RBFOX3: variants seen among roughly 807,000 people sequenced by gnomAD.
The protein encoded by RBFOX3 is RNA binding fox-1 homolog 3.
In RBFOX3, 17 loss-of-function variants were observed where a neutral mutation model predicts 48.7. The ratio of observed to expected loss-of-function variants is 0.35; its 90% CI spans 0.24 to 0.52. RBFOX3 has a LOEUF of 0.52. Ranked by LOEUF, RBFOX3 falls within the 20% of genes least tolerant of loss-of-function variation. The pLI, the probability that RBFOX3 is intolerant of heterozygous loss-of-function variation, is 0.94. For missense variants in RBFOX3, 382 were observed against 497.5 expected (o/e 0.77, Z 2.21); for synonymous variants, 212 against 209.5 (o/e 1.01, Z -0.10).
intron 3 of RBFOX3, among the ~76,000 whole-genome samples, chr17:79,303,355 G>A (rs1039670702): frequency 2.6e-5 from 4 of 152,168 alleles, no homozygotes; most frequent in African/African-American, 9.7e-5. Flanking sequence ...CTTCGCCTGT[G>A]GACAGCATCG....
chr17:79,143,810 T>C (rs1389841763), intron 4 of RBFOX3, among the ~76,000 whole-genome samples: 1 of 152,156 alleles, frequency 6.6e-6, no homozygotes, highest in East Asian at 1.9e-4. Flanking sequence ...CACTGACTCA[T>C]GAAGACCCCC....
intron 1 of RBFOX3, among the ~76,000 whole-genome samples, chr17:79,553,040 T>C (rs1315428763): frequency 6.6e-6 from 1 of 152,238 alleles, no homozygotes; most frequent in Non-Finnish European, 1.5e-5. Context: ...TCTGCTACAA[T>C]ATGAAATAGT....
At chr17:79,327,137 CCA>C (rs907333138) in intron 2 of RBFOX3, among the ~76,000 whole-genome samples, 4 of 152,220 alleles carry the variant, frequency 2.6e-5, no homozygotes, top group African/African-American at 9.6e-5. Flanking sequence ...TGGGTACCCC[CCA>C]CACCTTCCCC....
At chr17:79,429,404 G>A (rs2068008655) in intron 2 of RBFOX3, among the ~76,000 whole-genome samples, 1 of 152,240 alleles carries the variant, frequency 6.6e-6, no homozygotes, top group Admixed American at 6.5e-5. Flanking sequence ...GACTGGCAAT[G>A]TGGGGTGGCA....
intron 2 of RBFOX3, among the ~76,000 whole-genome samples, chr17:79,416,019 G>A (rs1181939505): frequency 6.6e-6 from 1 of 152,186 alleles, no homozygotes; most frequent in African/African-American, 2.4e-5. Context: ...AAAAGGCCAT[G>A]CCTGCGCTGC....
At chr17:79,419,007 G>C (rs1339392597) in intron 2 of RBFOX3, among the ~76,000 whole-genome samples, 1 of 152,132 alleles carries the variant, frequency 6.6e-6, no homozygotes, top group Non-Finnish European at 1.5e-5. Context: ...TGGTGTCAAG[G>C]GACCGTATCG....
chr17:79,521,804 C>CT (rs2086149667), intron 1 of RBFOX3, among the ~76,000 whole-genome samples: 1 of 152,212 alleles, frequency 6.6e-6, no homozygotes, highest in African/African-American at 2.4e-5. Flanking sequence ...AACACACAGT[C>CT]ACACATGCAC....
intron 3 of RBFOX3, among the ~76,000 whole-genome samples, chr17:79,283,885 T>G (rs140510950): frequency 5.6e-4 from 86 of 152,236 alleles, no homozygotes; most frequent in African/African-American, 2.0e-3. Context: ...GTTTCAGTAC[T>G]TATAAATGGA....
At chr17:79,410,446 G>T (rs1250052718) in intron 2 of RBFOX3, among the ~76,000 whole-genome samples, 1 of 152,166 alleles carries the variant, frequency 6.6e-6, no homozygotes, top group Admixed American at 6.6e-5. Flanking sequence ...TTGCGGCAGG[G>T]GGGCGGTCAT....
intron 1 of RBFOX3, among the ~76,000 whole-genome samples, chr17:79,523,784 C>T (rs1002206204): frequency 4.6e-5 from 7 of 152,172 alleles, no homozygotes; most frequent in African/African-American, 7.2e-5. Flanking sequence ...AAACGCAAAA[C>T]GAATAAAAGG....
intron 2 of RBFOX3, among the ~76,000 whole-genome samples, chr17:79,429,158 C>T (rs1012045571): frequency 8.5e-5 from 13 of 152,264 alleles, no homozygotes; most frequent in East Asian, 1.9e-4. Context: ...CGCTCACACA[C>T]GGCCGTGGAG....
intron 2 of RBFOX3, among the ~76,000 whole-genome samples, chr17:79,393,786 G>A (rs1366113375): frequency 6.6e-6 from 1 of 151,044 alleles, no homozygotes; most frequent in South Asian, 2.1e-4. Context: ...ATCAGAGCTG[G>A]TCATCATCAT....
chr17:79,549,383 T>G (rs782508075), intron 1 of RBFOX3, among the ~76,000 whole-genome samples: 17 of 152,218 alleles, frequency 1.1e-4, no homozygotes, highest in Non-Finnish European at 2.5e-4. Context: ...TGGCCTCCCT[T>G]TTTCCACTAG....
intron 4 of RBFOX3, among the ~76,000 whole-genome samples, chr17:79,168,231 G>A (rs935557302): frequency 6.6e-6 from 1 of 152,170 alleles, no homozygotes; most frequent in African/African-American, 2.4e-5. Context: ...GGCTTGCCAT[G>A]GGTGGGTCCC....
At chr17:79,227,611 G>T (rs1238213758) in intron 4 of RBFOX3, among the ~76,000 whole-genome samples, 2 of 152,230 alleles carry the variant, frequency 1.3e-5, no homozygotes, top group African/African-American at 4.8e-5. Context: ...GGCGTGGGGA[G>T]GCTGACTGGC....
chr17:79,466,972 AT>A (rs2149335456), intron 2 of RBFOX3, among the ~76,000 whole-genome samples: 1 of 152,348 alleles, frequency 6.6e-6, no homozygotes, highest in African/African-American at 2.4e-5. Context: ...TAATGGGGAC[AT>A]CCCTGTCTGT....
At chr17:79,293,245 T>C (rs1379646033) in intron 3 of RBFOX3, among the ~76,000 whole-genome samples, 2 of 152,304 alleles carry the variant, frequency 1.3e-5, no homozygotes, top group African/African-American at 2.4e-5. Flanking sequence ...CAAGCCCACA[T>C]GGGGCCAACA....
At chr17:79,213,699 A>ATCCAC (rs1381169169) in intron 4 of RBFOX3, among the ~76,000 whole-genome samples, 6 of 152,316 alleles carry the variant, frequency 3.9e-5, no homozygotes, top group African/African-American at 1.4e-4. Flanking sequence ...AACAGGGTGT[A>ATCCAC]TCCACTCGGC....
At chr17:79,541,209 T>C (rs1430860519) in intron 1 of RBFOX3, among the ~76,000 whole-genome samples, 1 of 152,154 alleles carries the variant, frequency 6.6e-6, no homozygotes, top group Non-Finnish European at 1.5e-5. Flanking sequence ...ATAATGGCCT[T>C]CTACCCCATA....
Sources: allele counts gnomAD v4.1 joint callset (sites outside exome capture counted in the v4.1 genomes callset), GRCh38; gene constraint gnomAD v4.1.1; transcripts MANE v1.5; gene names NCBI Gene and HGNC (gene_info 2026-07-23, HGNC 2026-07-21).